CTBP2: variants seen among roughly 807,000 people sequenced by gnomAD.
CTBP2 encodes C-terminal binding protein 2.
CTBP2 carries 30 observed loss-of-function variants against 80.3 expected under a neutral mutation model. The observed-to-expected ratio is 0.37, with a 90% confidence interval of 0.28 to 0.51. The LOEUF is 0.51. Among genes scored for constraint, CTBP2 ranks in the 20% least tolerant of loss-of-function variants. The pLI, the probability that CTBP2 is intolerant of heterozygous loss-of-function variation, is 0.93. For synonymous variants in CTBP2, 594 were observed against 587.4 expected (o/e 1.01, Z -0.16); for missense variants, 1,212 against 1,375.3 (o/e 0.88, Z 1.88).
At chr10:125,098,657 G>GA (rs1849948390) in intron 2 of CTBP2, among the ~76,000 whole-genome samples, 3 of 44,966 alleles carry the variant, frequency 6.7e-5, no homozygotes, top group South Asian at 9.1e-4. Context: ...TGGGGGAGGG[G>GA]GAGAGAGAGA....
Position 125,073,932 on chromosome 10 carries a change from C to T in CTBP2, c.-101-34777G>A, listed in dbSNP as rs142488986. On this transcript the variant is annotated intron_variant, in intron 2 of 10. Transcript: ENST00000337195. ...TCTGTTCTTACTCCCACGGCCCAGG[C>T]GTGGAAACCGTGAACCCTGATCTTC... Among the ~76,000 whole-genome samples, 720 of 152,278 alleles carry T rather than the reference C, an allele frequency of 4.7e-3. 6 individuals are homozygous for T. Among genetic ancestry groups the T allele is most frequent in the African/African-American group, 0.016 (684 of 41,544 alleles).
At chr10:125,139,819 G>A (rs958818818) in intron 1 of CTBP2, among the ~76,000 whole-genome samples, 8 of 152,122 alleles carry the variant, frequency 5.3e-5, no homozygotes, top group Non-Finnish European at 1.2e-4. Flanking sequence ...CTAGAACTGC[G>A]ACCCTACTGT....
At chr10:125,159,355 A>C in intron 1 of CTBP2, among the ~76,000 whole-genome samples, 1 of 139,122 alleles carries the variant, frequency 7.2e-6, no homozygotes, top group Non-Finnish European at 1.6e-5. Flanking sequence ...GCGGCGGGCG[A>C]GGAGGAAGTG....
chr10:125,052,163 G>A (rs1055839256), intron 2 of CTBP2, among the ~76,000 whole-genome samples: 4 of 152,304 alleles, frequency 2.6e-5, no homozygotes, highest in Non-Finnish European at 4.4e-5. Context: ...AGGACCCCCC[G>A]GCAGGAAGCC....
chr10:125,152,068 G>A (rs1047612285), intron 1 of CTBP2, among the ~76,000 whole-genome samples: 1 of 151,758 alleles, frequency 6.6e-6, no homozygotes, highest in Non-Finnish European at 1.5e-5. Flanking sequence ...GGGTGGGGCC[G>A]CCAAGTGCCC....
At chr10:125,006,336 G>A (rs966846949) in intron 1 of CTBP2, among the ~76,000 whole-genome samples, 17 of 152,110 alleles carry the variant, frequency 1.1e-4, no homozygotes, top group Admixed American at 3.9e-4. Flanking sequence ...GGATGCTTGC[G>A]TGCCCTGCAT....
Position 125,026,963 on chromosome 10 carries a change from G to A in CTBP2, c.797C>T (p.Ser266Phe), listed in dbSNP as rs750658346. 25 of 1,613,966 alleles carry A rather than the reference G, an allele frequency of 1.5e-5. No individual in the cohort carries two copies. The East Asian group carries it at 4.9e-4, about 32-fold the overall frequency. ...TTCGTAAGTCTCGTAAGCCATCTTG[G>A]ATGGGATGCTTTCCCGGGCAGGCCC... is the stretch of plus-strand genomic sequence containing the variant. Residue 266 changes from serine to phenylalanine, a missense_variant, in exon 1 of 9, where the codon TCC (serine) becomes TTC (phenylalanine). Physicochemically the swap from Ser to Phe is radical, Grantham distance 155. Transcript: ENST00000309035.
intron 2 of CTBP2, among the ~76,000 whole-genome samples, chr10:125,097,789 A>T (rs1299533339): frequency 2.3e-4 from 35 of 152,052 alleles, no homozygotes; most frequent in Non-Finnish European, 3.8e-4. Context: ...ACTTTTTGCC[A>T]AAGGGTTGAG....
intron 2 of CTBP2, among the ~76,000 whole-genome samples, chr10:125,056,176 T>A (rs188207970): frequency 0.012 from 1,339 of 113,772 alleles, 17 homozygotes; most frequent in African/African-American, 0.046. Flanking sequence ...AAAATAAAAA[T>A]AATAATAATA....
At chr10:125,151,223 C>G (rs1239640173) in intron 1 of CTBP2, among the ~76,000 whole-genome samples, 2 of 152,124 alleles carry the variant, frequency 1.3e-5, no homozygotes, top group Non-Finnish European at 2.9e-5. Context: ...ATGGAGAAGA[C>G]GAGGGCAAGA....
intron 2 of CTBP2, among the ~76,000 whole-genome samples, chr10:125,099,975 C>T (rs1036888186): frequency 2.6e-5 from 4 of 152,224 alleles, no homozygotes; most frequent in Admixed American, 2.0e-4. Flanking sequence ...AAATTTGACA[C>T]TGCCAAGTCC....
intron 2 of CTBP2, among the ~76,000 whole-genome samples, chr10:125,101,385 G>A (rs1051946834): frequency 6.6e-6 from 1 of 152,234 alleles, no homozygotes; most frequent in Non-Finnish European, 1.5e-5. Flanking sequence ...TGTTCCCAGG[G>A]AAGGATGTCC....
chr10:125,024,178 C>T (rs563416890), intron 1 of CTBP2, among the ~76,000 whole-genome samples: 1 of 152,348 alleles, frequency 6.6e-6, no homozygotes, highest in East Asian at 1.9e-4. Context: ...ACAAAACGTA[C>T]AGCCATGTAC....
At chr10:125,143,461 G>C (rs1423790119) in intron 1 of CTBP2, among the ~76,000 whole-genome samples, 2 of 152,240 alleles carry the variant, frequency 1.3e-5, no homozygotes, top group East Asian at 3.8e-4. Flanking sequence ...CTGGGCTACA[G>C]AGTGAGCCTC....
chr10:125,087,644 CA>C (rs900444247), intron 2 of CTBP2, among the ~76,000 whole-genome samples: 1 of 152,194 alleles, frequency 6.6e-6, no homozygotes, highest in African/African-American at 2.4e-5. Flanking sequence ...TCAGTTTGAC[CA>C]ACAATCAGAC....
intron 1 of CTBP2, among the ~76,000 whole-genome samples, chr10:125,141,561 G>A (rs192208576): frequency 4.5e-4 from 68 of 152,188 alleles, no homozygotes; most frequent in African/African-American, 1.6e-3. Flanking sequence ...AACCACCCCA[G>A]ACCACCCAGA....
upstream of CTBP2, among the ~76,000 whole-genome samples, chr10:125,161,583 C>T (rs1014450745): frequency 1.3e-5 from 2 of 152,170 alleles, no homozygotes; most frequent in Non-Finnish European, 2.9e-5. Flanking sequence ...GGCACTTGCG[C>T]TCCCCAAATC....
intron 2 of CTBP2, among the ~76,000 whole-genome samples, chr10:125,092,967 C>G (rs892398819): frequency 6.6e-6 from 1 of 152,238 alleles, no homozygotes; most frequent in Non-Finnish European, 1.5e-5. Context: ...TGGCCCATCT[C>G]AGGACCCAAC....
chr10:125,070,178 G>A (rs932863381), intron 2 of CTBP2, among the ~76,000 whole-genome samples: 7 of 151,890 alleles, frequency 4.6e-5, no homozygotes, highest in Non-Finnish European at 7.4e-5. Flanking sequence ...GGTGAAACCC[G>A]GTCTCTACTA....
Sources: gnomAD v4.1 joint callset for allele counts (sites outside exome capture counted in the v4.1 genomes callset) on GRCh38, gnomAD v4.1.1 for gene constraint, MANE v1.5 for transcripts, NCBI Gene and HGNC (gene_info 2026-07-23, HGNC 2026-07-21) for gene names.